KIRREL3: variants seen among roughly 807,000 people sequenced by gnomAD.
KIRREL3 encodes the protein kirre like nephrin family adhesion molecule 3.
A neutral mutation model predicts 89.7 loss-of-function variants in KIRREL3; 36 were observed. The observed-to-expected ratio is 0.40, with a 90% CI of 0.31 to 0.53. The LOEUF is 0.53. KIRREL3 is among the 20% of genes least tolerant of loss of function. KIRREL3 has a pLI of 0.49. For missense variants in KIRREL3, 864 were observed against 1,056.6 expected, an observed-to-expected ratio of 0.82 and a Z score of 2.53; for synonymous variants, 445 against 441.4, an observed-to-expected ratio of 1.01 and a Z score of -0.10.
chr11:126,932,527 G>T (rs568291034), intron 1 of KIRREL3, among the ~76,000 whole-genome samples: 28 of 152,276 alleles, frequency 1.8e-4, no homozygotes, highest in African/African-American at 6.0e-4. Flanking sequence ...CGTTATGAAG[G>T]TTTTCGGCCC....
rs1279408058 is a variant in KIRREL3 at position 126,456,453 on chromosome 11, G to A, written c.744C>T (p.His248=). 1 of 1,569,042 alleles carries A rather than the reference G, an allele frequency of 6.4e-7. No homozygotes were observed. Among genetic ancestry groups the A allele is most frequent in the South Asian group, 1.2e-5 (1 of 85,212 alleles). ...CCACCGAGAGGTTGACCAGTGGAGG[G>A]TCTGCAGGGAGAGGAGAGTCACTTG... ...KETSVTIDIQ[H]PPLVNLSVEP... Residue 248 remains histidine, a splice_region_variant and synonymous_variant, in exon 7 of 17, where the codon CAC becomes CAT. Transcript: ENST00000525144.
rs1304254203 is a variant in KIRREL3, at chr11:126,642,864, A to T, written c.56-79952T>A. On this transcript the variant is annotated intron_variant, in intron 1 of 16. Coordinates refer to ENST00000525144, the MANE Select transcript of KIRREL3 (RefSeq NM_032531.4). The surrounding 1 kb of genome is among the most constrained non-coding windows in gnomAD (Gnocchi z 4.9). ...TGAACAAAGTAAACATTTATCAAGC[A>T]TCTCCTCTGTGTCAGGCTTGAAGTG... Among the ~76,000 whole-genome samples the T allele has an allele frequency of 6.6e-6, 1 of 152,200 alleles. No homozygotes were observed. The highest frequency in any genetic ancestry group is 1.9e-4 in the East Asian group (1 of 5,198).
chr11:126,825,807 TA>T (rs1307494234), intron 1 of KIRREL3, among the ~76,000 whole-genome samples: 2 of 152,102 alleles, frequency 1.3e-5, no homozygotes, highest in African/African-American at 4.8e-5. Context: ...GTTTCACAGA[TA>T]AAAAAACTGG....
Position 126,843,729 on chromosome 11 carries a change from G to A in KIRREL3, c.55+156726C>T, listed in dbSNP as rs1332482467. Among the ~76,000 whole-genome samples the A allele has an allele frequency of 6.6e-6, 1 of 152,106 alleles. No homozygotes were observed. The highest frequency in any genetic ancestry group is 2.4e-5 in the African/African-American group (1 of 41,412). On this transcript the variant is annotated intron_variant, in intron 1 of 16. Transcript: ENST00000525144. This position sits in a 1 kb window ranked among gnomAD's most constrained non-coding sequence, Gnocchi z 4.6. ...GTCAGCACAAGATACAGGTCATGGAGACTTTGCTGATAAAACAGCTTACAG... is the reference window on the plus strand; with the variant it reads ...GTCAGCACAAGATACAGGTCATGGAAACTTTGCTGATAAAACAGCTTACAG...
intron 1 of KIRREL3, among the ~76,000 whole-genome samples, chr11:126,975,754 A>G (rs1290088477): frequency 2.0e-5 from 3 of 152,220 alleles, no homozygotes; most frequent in Non-Finnish European, 4.4e-5. Context: ...AGTTTAAAAA[A>G]GCACCCCAGT....
Position 126,562,799 on chromosome 11 carries a change from G to C in KIRREL3, c.133+36C>G. The C allele has an allele frequency of 6.3e-7, 1 of 1,577,410 alleles. No homozygotes were observed. Among genetic ancestry groups the C allele is most frequent in the Non-Finnish European group, 8.7e-7 (1 of 1,146,762 alleles). On this transcript the variant is annotated intron_variant, in intron 2 of 16. Transcript: ENST00000525144. This position sits in a 1 kb window ranked among gnomAD's most constrained non-coding sequence, Gnocchi z 4.7. ...TGTAGGGGAGAGCTTCCTCCCTCCA[G>C]ATTACTCCCGAGACAATGGGGAGGT...
intron 1 of KIRREL3, among the ~76,000 whole-genome samples, chr11:126,854,726 T>C (rs991043035): frequency 6.6e-6 from 1 of 152,208 alleles, no homozygotes; most frequent in African/African-American, 2.4e-5. Flanking sequence ...TCAATTCCTT[T>C]GGGTATATAC....
rs1956321735 is a variant in KIRREL3 at position 126,455,868 on chromosome 11, G to A, written c.848+481C>T. On this transcript the variant is annotated intron_variant, in intron 7 of 16. Transcript: ENST00000525144. This position sits in a 1 kb window ranked among gnomAD's most constrained non-coding sequence, Gnocchi z 6.4. ...AGTGGTGCTTTTATCCGTGTTGTGA[G>A]CAAGAGACACACAGGGGCCATGAGT... 6.6e-6 allele frequency among the ~76,000 whole-genome samples: 1 copy of A among 151,884 alleles called. No individual in the cohort carries two copies. Among genetic ancestry groups the A allele is most frequent in the Non-Finnish European group, 1.5e-5 (1 of 67,988 alleles).
At chr11:126,784,452 G>A (rs996082601) in intron 1 of KIRREL3, among the ~76,000 whole-genome samples, 14 of 152,204 alleles carry the variant, frequency 9.2e-5, no homozygotes, top group Non-Finnish European at 1.9e-4. Flanking sequence ...ATAGCCTCAT[G>A]TTAGGGTACA....
At chr11:126,532,746 G>A (rs1160637677) in intron 2 of KIRREL3, among the ~76,000 whole-genome samples, 1 of 152,140 alleles carries the variant, frequency 6.6e-6, no homozygotes, top group African/African-American at 2.4e-5. Context: ...CTCAGTTTCT[G>A]TGTGTAGGCT....
In KIRREL3 at chr11:126,708,673, C is replaced by G. The variant is rs976408836; in HGVS notation, c.56-145761G>C. 2.6e-5 allele frequency among the ~76,000 whole-genome samples: 4 copies of G among 152,224 alleles called. No individual in the cohort carries two copies. The highest frequency in any genetic ancestry group is 1.5e-5 in the Non-Finnish European group (1 of 68,040). On this transcript the variant is annotated intron_variant, in intron 1 of 16. Transcript: ENST00000525144. The surrounding 1 kb of genome is among the most constrained non-coding windows in gnomAD (Gnocchi z 5.7). ...GAGCGGCACTCCCACCTGGGCACTC[C>G]TTGCTGATGGACCGGGACCTCCTCT...
chr11:126,841,711 T>A (rs1211008725), intron 1 of KIRREL3, among the ~76,000 whole-genome samples: 2 of 152,182 alleles, frequency 1.3e-5, no homozygotes, highest in African/African-American at 4.8e-5. Context: ...ACCTGAGACT[T>A]ATTAGCTCCT....
intron 1 of KIRREL3, among the ~76,000 whole-genome samples, chr11:126,707,226 A>G (rs1048570572): frequency 4.6e-4 from 68 of 146,634 alleles, no homozygotes; most frequent in Non-Finnish European, 4.9e-4. Flanking sequence ...GATTGCAGAC[A>G]TAAGACACCT....
chr11:126,776,057 C>T lies in KIRREL3; in HGVS notation c.56-213145G>A, dbSNP rs1950160768. On this transcript the variant is annotated intron_variant, in intron 1 of 16. Coordinates refer to ENST00000525144, the MANE Select transcript of KIRREL3 (RefSeq NM_032531.4). This position sits in a 1 kb window ranked among gnomAD's most constrained non-coding sequence, Gnocchi z 4.7. ...GCAGAGTGGGAGCCTGGGGAAGCTC[C>T]CCCAGAGGGAAGTCAGGCCTGGCCT... 6.6e-6 allele frequency among the ~76,000 whole-genome samples: 1 copy of T among 152,170 alleles called. No individual in the cohort carries two copies. The highest frequency in any genetic ancestry group is 2.4e-5 in the African/African-American group (1 of 41,442).
chr11:126,968,348 A>G (rs566519090), intron 1 of KIRREL3, among the ~76,000 whole-genome samples: 55 of 152,336 alleles, frequency 3.6e-4, no homozygotes, highest in African/African-American at 1.3e-3. Flanking sequence ...AAAATGCAAA[A>G]GAAAGAAAGG....
Position 126,611,122 on chromosome 11 carries a change from G to A in KIRREL3, c.56-48210C>T, listed in dbSNP as rs642187. 0.71 allele frequency among the ~76,000 whole-genome samples: 107,922 copies of A among 152,082 alleles called. 38,774 individuals are homozygous for A. The highest frequency in any genetic ancestry group is 0.83 in the Middle Eastern group (244 of 294). ...CACTCCTGAGCTGTGTGACTTTGGG[G>A]AAGTTCCTCAACTGAAGTCACAAAG... is the stretch of plus-strand genomic sequence containing the variant. On this transcript the variant is annotated intron_variant, in intron 1 of 16. Coordinates refer to ENST00000525144, the MANE Select transcript of KIRREL3 (RefSeq NM_032531.4). The surrounding 1 kb of genome is among the most constrained non-coding windows in gnomAD (Gnocchi z 4.7).
chr11:126,504,662 A>C (rs1458827571), intron 4 of KIRREL3, among the ~76,000 whole-genome samples: 1 of 152,216 alleles, frequency 6.6e-6, no homozygotes, highest in Non-Finnish European at 1.5e-5. Context: ...CATCCTACAA[A>C]ACCAGTGTTA....
In KIRREL3 at chr11:126,870,922, G is replaced by T. The variant is rs926526470; in HGVS notation, c.55+129533C>A. Among the ~76,000 whole-genome samples the T allele has an allele frequency of 6.6e-6, 1 of 152,048 alleles. No homozygotes were observed. Among genetic ancestry groups the T allele is most frequent in the Non-Finnish European group, 1.5e-5 (1 of 68,022 alleles). On this transcript the variant is annotated intron_variant, in intron 1 of 16. Transcript: ENST00000525144. This position sits in a 1 kb window ranked among gnomAD's most constrained non-coding sequence, Gnocchi z 4.4. ...TTCTGCCTACCTTACAGAAAGACTG[G>T]ACCAAAACTGTTCTACATGGCCACA... is the stretch of plus-strand genomic sequence containing the variant.
chr11:126,581,179 TG>T (rs1228383737), intron 1 of KIRREL3, among the ~76,000 whole-genome samples: 2 of 152,066 alleles, frequency 1.3e-5, no homozygotes, highest in Non-Finnish European at 2.9e-5. Flanking sequence ...CTATAGTTAG[TG>T]GGGGGTTTAG....
Sources: gnomAD v4.1 joint callset for allele counts (sites outside exome capture counted in the v4.1 genomes callset) on GRCh38, gnomAD v4.1.1 for gene constraint, Gnocchi (gnomAD v3.1) non-coding constraint, MANE v1.5 for transcripts, NCBI Gene and HGNC (gene_info 2026-07-23, HGNC 2026-07-21) for gene names.